Variants in UBP1 observed in about 807,000 individuals in gnomAD.
UBP1 encodes upstream binding protein 1.
Under a neutral mutation model 76.1 loss-of-function variants are expected in UBP1, and 22 were observed. That is an observed-to-expected ratio of 0.29 (90% CI 0.21 to 0.41). The LOEUF (loss-of-function observed/expected upper bound fraction) is 0.41, where lower values mean the gene tolerates loss of function less well. Among genes scored for constraint, UBP1 ranks in the 10% least tolerant of loss-of-function variants. The pLI is 1.00. For missense variants in UBP1, 436 were observed against 668.1 expected (o/e 0.65, Z 3.83); for synonymous variants, 224 against 237.1 (o/e 0.94, Z 0.51).
intron 13 of UBP1, 147 bp downstream of exon 13, chr3:33,396,015 C>T: frequency 1.7e-6 from 1 of 598,002 alleles, no homozygotes; most frequent in Admixed American, 2.8e-5. Context: ...CTAGAGCTGC[C>T]ACCTCTCATT....
intron 13 of UBP1, among the ~76,000 whole-genome samples, chr3:33,395,231 C>T (rs1280795266): frequency 6.6e-6 from 1 of 152,096 alleles, no homozygotes; most frequent in East Asian, 1.9e-4. Flanking sequence ...GTGATGCTAT[C>T]CTTCCAATTT....
chr3:33,403,368 G>A (rs572102192), intron 8 of UBP1: 1 of 210,562 alleles, frequency 4.7e-6, no homozygotes, highest in Admixed American at 5.3e-5. Context: ...CTTCCCTAAT[G>A]AGCAGCCTCA....
At chr3:33,401,642 T>C (rs1383506991) in intron 9 of UBP1, among the ~76,000 whole-genome samples, 2 of 152,174 alleles carry the variant, frequency 1.3e-5, no homozygotes, top group African/African-American at 4.8e-5. Context: ...CTCAATTGCT[T>C]AGGTTTATTA....
At position 33,440,004 on chromosome 3, in the gene UBP1, C is replaced by G; in HGVS notation, c.-156G>C. ...GCGGCCGGGACGAGAGCTGCGGGGG[C>G]CCCACTGGCAGGGCACGACGAGCCC... On this transcript the variant is annotated 5_prime_UTR_variant, in exon 1 of 16. Coordinates refer to ENST00000283629, the MANE Select transcript of UBP1 (RefSeq NM_014517.5). 1 of 703,480 alleles carries G rather than the reference C, an allele frequency of 1.4e-6. No homozygotes were observed. Among genetic ancestry groups the G allele is most frequent in the Middle Eastern group, 4.0e-4 (1 of 2,496 alleles). 43.6% of individuals were successfully genotyped at this position (703,480 alleles called of 1,614,324 possible).
chr3:33,413,817 C>T (rs929509081), intron 3 of UBP1, among the ~76,000 whole-genome samples: 20 of 152,158 alleles, frequency 1.3e-4, no homozygotes, highest in Admixed American at 2.6e-4. Flanking sequence ...AATTACCCAG[C>T]ACCCACTTCA....
In UBP1 at chr3:33,392,506, G is replaced by A; in HGVS notation, c.1585+57C>T. The A allele has an allele frequency of 2.1e-6, 3 of 1,462,646 alleles. No individual in the cohort carries two copies. In the South Asian group the frequency reaches 3.7e-5, roughly 18 times the overall value. The allele number at this position is 1,462,646 out of a possible 1,614,324, so 90.6% of individuals were successfully genotyped here. A position where few individuals can be genotyped will look rare whatever the true frequency, so the allele number is the denominator to read the frequency against. On this transcript the variant is annotated intron_variant, in intron 15 of 15. Transcript: ENST00000283629. Reference sequence around the variant, plus strand: ...ATAAACACGAGAGGCACTAATTAGAGGCACACACCATCTCTCATGATTCCA... The same window carrying A: ...ATAAACACGAGAGGCACTAATTAGAAGCACACACCATCTCTCATGATTCCA...
intron 13 of UBP1, among the ~76,000 whole-genome samples, chr3:33,395,116 A>G (rs1330473244): frequency 1.3e-5 from 2 of 152,214 alleles, no homozygotes; most frequent in Non-Finnish European, 2.9e-5. Context: ...TTGATGATAC[A>G]TGGAGATCTC....
chr3:33,422,922 G>A (rs1193615240), intron 2 of UBP1, among the ~76,000 whole-genome samples: 2 of 152,098 alleles, frequency 1.3e-5, no homozygotes, highest in African/African-American at 4.8e-5. Context: ...GATACAGTCT[G>A]TGCAAAGCAC....
chr3:33,408,541 C>G (rs368364400), intron 8 of UBP1, 149 bp downstream of exon 8: 5 of 569,638 alleles, frequency 8.8e-6, no homozygotes, highest in East Asian at 6.5e-5. Context: ...GAGGAACAAA[C>G]AGAAGCAGGA....
chr3:33,411,270 C>T (rs190303329), intron 5 of UBP1, among the ~76,000 whole-genome samples: 9 of 152,082 alleles, frequency 5.9e-5, no homozygotes, highest in Non-Finnish European at 1.2e-4. Flanking sequence ...TTTTTTCAAT[C>T]GTATCCTTTT....
At chr3:33,417,137 A>T (rs2044749964) in intron 2 of UBP1, among the ~76,000 whole-genome samples, 1 of 152,234 alleles carries the variant, frequency 6.6e-6, no homozygotes, top group African/African-American at 2.4e-5. Flanking sequence ...TTTCTGAGAT[A>T]TAGTTTACAT....
chr3:33,435,963 T>C (rs898659490), intron 1 of UBP1, among the ~76,000 whole-genome samples: 4 of 152,212 alleles, frequency 2.6e-5, no homozygotes, highest in Non-Finnish European at 5.9e-5. Context: ...TTCCAAGATA[T>C]ATATCACCTA....
rs549602250 is a variant in UBP1 at position 33,396,245 on chromosome 3, C to T, written c.1307G>A (p.Arg436Gln). ...VRPRLTIYVC[R>Q]EQPSSTVLQG... ...CAGCACTGTGCTGCTTGGCTGCTCC[C>T]GGCAGACATAGATGGTTAAACGGGG... The change falls in exon 13 of 16, where the codon CGG (arginine) becomes CAG (glutamine). Residue 436 changes from arginine to glutamine, a missense_variant. Transcript: ENST00000283629. 3.1e-5 allele frequency: 49 copies of T among 1,589,554 alleles called. No homozygotes were observed. Among genetic ancestry groups the T allele is most frequent in the South Asian group, 1.5e-4 (13 of 89,554 alleles).
chr3:33,420,638 G>A (rs1233310678), intron 2 of UBP1, among the ~76,000 whole-genome samples: 1 of 152,128 alleles, frequency 6.6e-6, no homozygotes, highest in Non-Finnish European at 1.5e-5. Context: ...ACAGGCACAT[G>A]CCAGTACGCC....
intron 2 of UBP1, among the ~76,000 whole-genome samples, chr3:33,424,716 G>A (rs532153925): frequency 2.2e-4 from 34 of 152,314 alleles, no homozygotes; most frequent in Middle Eastern, 6.8e-3. Flanking sequence ...ACATCAGCCT[G>A]TGCCCAAACT....
chr3:33,414,096 A>AAAG (rs5847781), intron 3 of UBP1: 57,109 of 151,816 alleles, frequency 0.38, 11,639 homozygotes, highest in East Asian at 0.6. Context: ...CTAAAATACT[A>AAAG]AAGATAAAAG....
intron 1 of UBP1, among the ~76,000 whole-genome samples, chr3:33,435,343 T>C (rs779986300): frequency 1.3e-5 from 2 of 152,146 alleles, no homozygotes; most frequent in Non-Finnish European, 2.9e-5. Flanking sequence ...ATTTCACTAA[T>C]CCTAAAATTG....
At chr3:33,441,072 G>C (rs2154060779), upstream of UBP1, 1 of 152,406 alleles carries the variant, frequency 6.6e-6, no homozygotes. Context: ...ACTAGCTGTT[G>C]GTCATCCTAA....
intron 1 of UBP1, among the ~76,000 whole-genome samples, chr3:33,437,282 T>A (rs1302244892): frequency 6.7e-6 from 1 of 149,370 alleles, no homozygotes; most frequent in African/African-American, 2.5e-5. Context: ...GAGAAGGGGG[T>A]CTCATTCTTG....
Sources: gnomAD v4.1 joint callset for allele counts (sites outside exome capture counted in the v4.1 genomes callset) on GRCh38, gnomAD v4.1.1 for gene constraint, MANE v1.5 for transcripts, NCBI Gene and HGNC (gene_info 2026-07-23, HGNC 2026-07-21) for gene names.